Variants in MAPK8 observed in about 807,000 individuals in gnomAD.
MAPK8 encodes the protein JUN N-terminal kinase.
A neutral mutation model predicts 52.9 loss-of-function variants in MAPK8; 13 were observed. The observed-to-expected ratio is 0.25, with a 90% CI of 0.16 to 0.39. The LOEUF (loss-of-function observed/expected upper bound fraction) is 0.39, where lower values mean the gene tolerates loss of function less well. Ranked by LOEUF, MAPK8 falls within the 10% of genes least tolerant of loss-of-function variation. The pLI, the probability that MAPK8 is intolerant of heterozygous loss-of-function variation, is 1.00. For synonymous variants in MAPK8, 191 were observed against 169.8 expected (o/e 1.12, Z -0.97); for missense variants, 300 against 519.2 (o/e 0.58, Z 4.10).
chr10:48,327,545 CT>C (rs1349974422), intron 1 of MAPK8, among the ~76,000 whole-genome samples: 1 of 152,154 alleles, frequency 6.6e-6, no homozygotes, highest in Non-Finnish European at 1.5e-5. Flanking sequence ...CTGTAGCTTT[CT>C]TTTCTTACCA....
Position 48,320,588 on chromosome 10 carries a change from A to T in MAPK8, c.-50+13767A>T, listed in dbSNP as rs555560848. On this transcript the variant is annotated intron_variant, in intron 1 of 11. Transcript: ENST00000374189. ...ATTATTTGGTTGTACGATATGCCAC[A>T]TTTTATTTACCTACACTTCATTTGA... Among the ~76,000 whole-genome samples, 7 of 152,182 alleles carry T rather than the reference A, an allele frequency of 4.6e-5. No individual in the cohort carries two copies. The South Asian group carries it at 1.5e-3, about 32-fold the overall frequency.
chr10:48,435,054 AG>A lies in MAPK8; in HGVS notation c.*28del. The A allele has an allele frequency of 8.0e-6, 3 of 373,702 alleles. No homozygotes were observed. The highest frequency in any genetic ancestry group is 1.5e-5 in the Non-Finnish European group (3 of 199,930). 23.1% of individuals were successfully genotyped at this position (373,702 alleles called of 1,614,324 possible). A position where few individuals can be genotyped will look rare whatever the true frequency, so the allele number is the denominator to read the frequency against. ...ACTACTTGGGCCATCGGGGGGTGGGAGGGATGGGGAGTCGGTTAGTCATTGA... is the reference window on the plus strand; with the variant it reads ...ACTACTTGGGCCATCGGGGGGTGGGAGGATGGGGAGTCGGTTAGTCATTGA... On this transcript the variant is annotated 3_prime_UTR_variant, in exon 12 of 12. Coordinates refer to ENST00000374189, the MANE Select transcript of MAPK8 (RefSeq NM_001323329.2).
chr10:48,431,151 C>T (rs2044211990), intron 10 of MAPK8, 42 bp from the exon 11 acceptor site: 1 of 1,332,576 alleles, frequency 7.5e-7, no homozygotes, highest in Non-Finnish European at 1.1e-6. Context: ...GAGATTGGCT[C>T]TTAGACTTTG....
chr10:48,367,374 AAAATAAAT>A (rs140011193), intron 1 of MAPK8, among the ~76,000 whole-genome samples: 1,710 of 150,866 alleles, frequency 0.011, 32 homozygotes, highest in African/African-American at 0.037. Flanking sequence ...TTAAAAATTA[AAAATAAAT>A]AAATAAATAA....
At chr10:48,342,710 A>G (rs563309620) in intron 1 of MAPK8, among the ~76,000 whole-genome samples, 7 of 152,304 alleles carry the variant, frequency 4.6e-5, no homozygotes, top group Non-Finnish European at 8.8e-5. Context: ...AGTTGTGGGT[A>G]ATGGAATACA....
At chr10:48,416,444 G>A (rs1026469343) in intron 5 of MAPK8, among the ~76,000 whole-genome samples, 6 of 152,324 alleles carry the variant, frequency 3.9e-5, no homozygotes, top group Non-Finnish European at 7.4e-5. Flanking sequence ...GCCACAGTCT[G>A]TTCTTCTGGC....
chr10:48,404,885 T>G lies in MAPK8; in HGVS notation c.156T>G (p.Val52=). Residue 52 remains valine (V), a synonymous_variant, in exon 3 of 12, where the codon GTT becomes GTG. Transcript: ENST00000374189. ...ATGATGCCATTCTTGAAAGAAATGTTGCAATCAAGAAGCTAAGCCGACCAT... is the reference window on the plus strand; with the variant it reads ...ATGATGCCATTCTTGAAAGAAATGTGGCAATCAAGAAGCTAAGCCGACCAT... ...AAYDAILERN[V]AIKKLSRPFQ... The G allele has an allele frequency of 6.2e-7, 1 of 1,609,618 alleles. No homozygotes were observed.
chr10:48,434,550 CA>C (rs1744930080), intron 11 of MAPK8, among the ~76,000 whole-genome samples: 1 of 152,204 alleles, frequency 6.6e-6, no homozygotes, highest in Admixed American at 6.5e-5. Flanking sequence ...GTATTATCAG[CA>C]GTATTCACAC....
intron 1 of MAPK8, among the ~76,000 whole-genome samples, chr10:48,314,242 A>G (rs982222695): frequency 6.6e-6 from 1 of 152,004 alleles, no homozygotes; most frequent in Non-Finnish European, 1.5e-5. Context: ...GTATCCTCAC[A>G]TGGCCCCTAA....
At chr10:48,417,020 T>G (rs1589244904) in intron 5 of MAPK8, among the ~76,000 whole-genome samples, 1 of 152,210 alleles carries the variant, frequency 6.6e-6, no homozygotes, top group African/African-American at 2.4e-5. Context: ...AGCAAACAGT[T>G]CTTTCTTTTG....
intron 1 of MAPK8, among the ~76,000 whole-genome samples, chr10:48,365,602 A>G (rs1847961697): frequency 6.6e-6 from 1 of 152,172 alleles, no homozygotes; most frequent in African/African-American, 2.4e-5. Context: ...AACTCTTGGT[A>G]ACCAAAATAA....
At chr10:48,367,400 A>AATAC (rs1218108320) in intron 1 of MAPK8, among the ~76,000 whole-genome samples, 1 of 148,540 alleles carries the variant, frequency 6.7e-6, no homozygotes, top group Non-Finnish European at 1.5e-5. Flanking sequence ...TAAATAAATA[A>AATAC]ATACATATAT....
At chr10:48,325,597 A>G (rs562711684) in intron 1 of MAPK8, among the ~76,000 whole-genome samples, 32 of 152,308 alleles carry the variant, frequency 2.1e-4, no homozygotes, top group Admixed American at 5.2e-4. Flanking sequence ...CCCAGACCCA[A>G]TTTCTCCTAT....
chr10:48,365,283 G>A (rs368878888), intron 1 of MAPK8, among the ~76,000 whole-genome samples: 1 of 152,124 alleles, frequency 6.6e-6, no homozygotes, highest in Non-Finnish European at 1.5e-5. Flanking sequence ...CTTAATTTCT[G>A]TGTGGCTGTG....
At chr10:48,363,563 G>A (rs1431567702) in intron 1 of MAPK8, among the ~76,000 whole-genome samples, 1 of 151,938 alleles carries the variant, frequency 6.6e-6, no homozygotes, top group African/African-American at 2.4e-5. Context: ...ATCTTTCCTC[G>A]ATATCTACTT....
chr10:48,402,742 C>G (rs566879760), intron 2 of MAPK8, among the ~76,000 whole-genome samples: 1 of 152,096 alleles, frequency 6.6e-6, no homozygotes, highest in Non-Finnish European at 1.5e-5. Context: ...CTCCTAGGTT[C>G]TAAAAAAACT....
At chr10:48,427,228 T>A in intron 10 of MAPK8, 85 bp downstream of exon 10, 2 of 1,019,380 alleles carry the variant, frequency 2.0e-6, no homozygotes, top group South Asian at 2.8e-5. Flanking sequence ...TAGAGAAATT[T>A]GTGACTTTAA....
At chr10:48,350,167 A>G (rs912345414) in intron 1 of MAPK8, among the ~76,000 whole-genome samples, 1 of 152,250 alleles carries the variant, frequency 6.6e-6, no homozygotes, top group African/African-American at 2.4e-5. Context: ...AGACGGATTC[A>G]CAGCCGAATT....
At chr10:48,329,773 G>C (rs1843931407) in intron 1 of MAPK8, among the ~76,000 whole-genome samples, 1 of 152,120 alleles carries the variant, frequency 6.6e-6, no homozygotes, top group South Asian at 2.1e-4. Flanking sequence ...TGTTAACATA[G>C]GGTCCATTGC....
Sources: gnomAD v4.1 joint callset for allele counts (sites outside exome capture counted in the v4.1 genomes callset) on GRCh38, gnomAD v4.1.1 for gene constraint, MANE v1.5 for transcripts, NCBI Gene and HGNC (gene_info 2026-07-23, HGNC 2026-07-21) for gene names.